HS3ST1: variants seen among roughly 807,000 people sequenced by gnomAD.
HS3ST1 encodes heparan sulfate glucosamine 3-O-sulfotransferase 1.
A neutral mutation model predicts 20.7 loss-of-function variants in HS3ST1; 8 were observed. The ratio of observed to expected loss-of-function variants is 0.39; its 90% confidence interval spans 0.23 to 0.70. HS3ST1 has a LOEUF of 0.70. Among genes scored for constraint, HS3ST1 ranks in the 30% least tolerant of loss-of-function variants. HS3ST1 has a pLI of 0.46. For missense variants in HS3ST1, 436 were observed against 423.4 expected, an observed-to-expected ratio of 1.03 and a Z score of -0.26; for synonymous variants, 205 against 190.4, an observed-to-expected ratio of 1.08 and a Z score of -0.63.
At chr4:11,422,734 T>A (rs201319686) in intron 1 of HS3ST1, among the ~76,000 whole-genome samples, 6 of 152,152 alleles carry the variant, frequency 3.9e-5, no homozygotes, top group Admixed American at 2.6e-4. Context: ...ACACATTTTT[T>A]AAAAATAAAT....
At position 11,397,120 on chromosome 4, in the gene HS3ST1, A is replaced by C. The variant is rs1376676438; in HGVS notation, c.*1962T>G. On this transcript the variant is annotated 3_prime_UTR_variant, in exon 2 of 2. Coordinates refer to ENST00000002596, the MANE Select transcript of HS3ST1 (RefSeq NM_005114.4). ...CTCTTATTTCTTCAGCTCTTCAAGG[A>C]GTATGGTAAAAGCAAGATCCAACGA... 2 of 152,242 alleles carry C rather than the reference A, an allele frequency of 1.3e-5. No homozygotes were observed. Among genetic ancestry groups the C allele is most frequent in the Admixed American group, 6.5e-5 (1 of 15,290 alleles). The allele number at this position is 152,242 out of a possible 1,614,324, so 9.4% of individuals were successfully genotyped here.
chr4:11,398,068 C>T lies in HS3ST1; in HGVS notation c.*1014G>A, dbSNP rs1197169863. On this transcript the variant is annotated 3_prime_UTR_variant, in exon 2 of 2. Coordinates refer to ENST00000002596, the MANE Select transcript of HS3ST1 (RefSeq NM_005114.4). ...CCCTTTTCTCTTTTTAACTTCAACA[C>T]TTGGGAACTTACTTTTTCTTTCACA... 1 of 152,206 alleles carries T rather than the reference C, an allele frequency of 6.6e-6. No homozygotes were observed. The highest frequency in any genetic ancestry group is 2.4e-5 in the African/African-American group (1 of 41,454). The allele number at this position is 152,206 out of a possible 1,614,324, so 9.4% of individuals were successfully genotyped here. A position where few individuals can be genotyped will look rare whatever the true frequency, so the allele number is the denominator to read the frequency against.
At chr4:11,424,700 A>G (rs576281288) in intron 1 of HS3ST1, among the ~76,000 whole-genome samples, 10 of 152,172 alleles carry the variant, frequency 6.6e-5, no homozygotes, top group African/African-American at 1.7e-4. Context: ...ACTGCTGCCA[A>G]CGCCACTTGA....
chr4:11,417,420 A>G (rs1442910835), intron 1 of HS3ST1, among the ~76,000 whole-genome samples: 3 of 152,166 alleles, frequency 2.0e-5, no homozygotes, highest in African/African-American at 7.2e-5. Context: ...TTACAATTTC[A>G]TCTATTAGAC....
chr4:11,421,215 C>T (rs1306628390), intron 1 of HS3ST1, among the ~76,000 whole-genome samples: 4 of 152,246 alleles, frequency 2.6e-5, no homozygotes, highest in East Asian at 1.9e-4. Flanking sequence ...CCAGAAAAAC[C>T]GTCTATTACT....
intron 1 of HS3ST1, among the ~76,000 whole-genome samples, chr4:11,420,196 C>CT (rs1373292380): frequency 6.6e-6 from 1 of 152,224 alleles, no homozygotes; most frequent in Non-Finnish European, 1.5e-5. Context: ...CAGTACCTCA[C>CT]TATTGAAGAA....
chr4:11,425,579 C>A (rs1719039661), intron 1 of HS3ST1, among the ~76,000 whole-genome samples: 1 of 152,158 alleles, frequency 6.6e-6, no homozygotes, highest in Non-Finnish European at 1.5e-5. Flanking sequence ...TAAAAGAAAT[C>A]TCTCCCACTT....
intron 1 of HS3ST1, among the ~76,000 whole-genome samples, chr4:11,406,380 C>T (rs1021265890): frequency 5.9e-5 from 9 of 152,170 alleles, no homozygotes; most frequent in Non-Finnish European, 1.2e-4. Context: ...TCTCCACATT[C>T]CCCTCTGCAA....
chr4:11,419,503 A>G (rs1216753919), intron 1 of HS3ST1, among the ~76,000 whole-genome samples: 1 of 152,120 alleles, frequency 6.6e-6, no homozygotes, highest in Non-Finnish European at 1.5e-5. Flanking sequence ...GGAGGAGAGC[A>G]TTATGACAAA....
At position 11,394,984 on chromosome 4, in the gene HS3ST1, C is replaced by G. The variant is rs1392953598; in HGVS notation, c.*4098G>C. On this transcript the variant is annotated 3_prime_UTR_variant, in exon 2 of 2. Transcript: ENST00000002596. ...ACATGGGTGCCTGCTAAGTAAGCTTCCAACACTCCAGCCTTGGAAAGCAGT... is the reference window on the plus strand; with the variant it reads ...ACATGGGTGCCTGCTAAGTAAGCTTGCAACACTCCAGCCTTGGAAAGCAGT... The G allele has an allele frequency of 6.6e-6, 1 of 152,220 alleles. No individual in the cohort carries two copies. The highest frequency in any genetic ancestry group is 2.4e-5 in the African/African-American group (1 of 41,444). The allele number at this position is 152,220 out of a possible 1,614,324, so 9.4% of individuals were successfully genotyped here.
rs753615447 is a variant in HS3ST1 at position 11,399,374 on chromosome 4, T to C, written c.632A>G (p.His211Arg). Reference sequence around the variant, plus strand: ...GCGGTCGCCGTCCACAATGTGGATGTGGCGCAGCGGGAAAAAGCGCAGCCA... The same window carrying C: ...GCGGTCGCCGTCCACAATGTGGATGCGGCGCAGCGGGAAAAAGCGCAGCCA... ...QNWLRFFPLRHIHIVDGDRLI... is the reference protein window; with the variant it reads ...QNWLRFFPLRRIHIVDGDRLI... The change falls in exon 2 of 2, where the codon CAC becomes CGC. Residue 211 changes from histidine to arginine, a missense_variant. By Grantham distance (29) the His-to-Arg change is conservative. Transcript: ENST00000002596. This position sits in a 1 kb window ranked among gnomAD's most constrained non-coding sequence, Gnocchi z 5.1. 1.9e-6 allele frequency: 3 copies of C among 1,614,074 alleles called. No individual in the cohort carries two copies. Among genetic ancestry groups the C allele is most frequent in the Non-Finnish European group, 2.5e-6 (3 of 1,180,022 alleles).
At chr4:11,404,714 G>C (rs1353917867) in intron 1 of HS3ST1, among the ~76,000 whole-genome samples, 1 of 152,236 alleles carries the variant, frequency 6.6e-6, no homozygotes, top group Non-Finnish European at 1.5e-5. Context: ...CCTTTTGACA[G>C]TTGAAGCACT....
intron 1 of HS3ST1, among the ~76,000 whole-genome samples, chr4:11,420,632 T>C (rs758484785): frequency 2.6e-5 from 4 of 152,244 alleles, no homozygotes; most frequent in Non-Finnish European, 5.9e-5. Flanking sequence ...TACCTTCTTC[T>C]TGAAGGGTGT....
In HS3ST1 at chr4:11,399,505, C is replaced by G. The variant is rs544551937; in HGVS notation, c.501G>C (p.Lys167Asn). Residue 167 changes from lysine to asparagine, a missense_variant, in exon 2 of 2, where the codon AAG becomes AAC. Lys to Asn is a moderately conservative substitution (Grantham distance 94). Coordinates refer to ENST00000002596, the MANE Select transcript of HS3ST1 (RefSeq NM_005114.4). This position sits in a 1 kb window ranked among gnomAD's most constrained non-coding sequence, Gnocchi z 5.1. ...CCTCGATGGACGGGTAGGGCTTGTG[C>G]TTCTGCATGTGGTTGTAGAACACTT... ...YTQVFYNHMQKHKPYPSIEEF... is the reference protein window; with the variant it reads ...YTQVFYNHMQNHKPYPSIEEF... 1.2e-6 allele frequency: 2 copies of G among 1,614,066 alleles called. No homozygotes were observed. Among genetic ancestry groups the G allele is most frequent in the Non-Finnish European group, 8.5e-7 (1 of 1,180,040 alleles).
intron 1 of HS3ST1, among the ~76,000 whole-genome samples, chr4:11,415,053 G>A (rs1367159941): frequency 1.3e-5 from 2 of 152,216 alleles, no homozygotes; most frequent in African/African-American, 2.4e-5. Flanking sequence ...CTGTGGAATA[G>A]ACATTATTTC....
chr4:11,415,408 C>T (rs915157574), intron 1 of HS3ST1, among the ~76,000 whole-genome samples: 3 of 152,056 alleles, frequency 2.0e-5, no homozygotes, highest in Non-Finnish European at 4.4e-5. Flanking sequence ...ACATTTTAGC[C>T]CACCTGACAT....
In HS3ST1 at chr4:11,399,462, C is replaced by G; in HGVS notation, c.544G>C (p.Gly182Arg). ...GCCTTGTAGTCCACATTGAGCCTGCCATCGCGCACCAGGAACTCCTCGATG... is the reference window on the plus strand; with the variant it reads ...GCCTTGTAGTCCACATTGAGCCTGCGATCGCGCACCAGGAACTCCTCGATG... ...PSIEEFLVRD[G>R]RLNVDYKALN... The change falls in exon 2 of 2, where the codon GGC becomes CGC. Residue 182 changes from glycine (G) to arginine (R), a missense_variant. Physicochemically the swap from Gly to Arg is moderately radical, Grantham distance 125. Coordinates refer to ENST00000002596, the MANE Select transcript of HS3ST1 (RefSeq NM_005114.4). The surrounding 1 kb of genome is among the most constrained non-coding windows in gnomAD (Gnocchi z 5.1). The G allele has an allele frequency of 6.2e-7, 1 of 1,614,012 alleles. No individual in the cohort carries two copies. The highest frequency in any genetic ancestry group is 8.5e-7 in the Non-Finnish European group (1 of 1,179,996).
intron 1 of HS3ST1, among the ~76,000 whole-genome samples, chr4:11,426,519 C>T (rs781383402): frequency 1.2e-4 from 19 of 152,264 alleles, no homozygotes; most frequent in Non-Finnish European, 2.2e-4. Context: ...TTGCTTTTTC[C>T]GATGCCATCT....
intron 1 of HS3ST1, among the ~76,000 whole-genome samples, chr4:11,413,557 T>A (rs17423177): frequency 0.14 from 21,668 of 152,096 alleles, 1,640 homozygotes; most frequent in South Asian, 0.21. Flanking sequence ...CCTAAATAAA[T>A]GTACGGTGCA....
Sources: gnomAD v4.1 joint callset for allele counts (sites outside exome capture counted in the v4.1 genomes callset) on GRCh38, gnomAD v4.1.1 for gene constraint, Gnocchi (gnomAD v3.1) non-coding constraint, MANE v1.5 for transcripts, NCBI Gene and HGNC (gene_info 2026-07-23, HGNC 2026-07-21) for gene names.